Variants in CTNS observed in about 807,000 individuals in gnomAD.
CTNS encodes the protein cystinosin.
In CTNS, 27 loss-of-function variants were observed where a neutral mutation model predicts 43.7. The ratio of observed to expected loss-of-function variants is 0.62; its 90% CI spans 0.46 to 0.85. The LOEUF is 0.85. CTNS is among the 40% of genes least tolerant of loss of function. The pLI is 0.00. For missense variants in CTNS, 457 were observed against 475.4 expected (o/e 0.96, Z 0.36); for synonymous variants, 187 against 190.6 (o/e 0.98, Z 0.16).
intron 5 of CTNS, among the ~76,000 whole-genome samples, chr17:3,651,768 T>A (rs1447583556): frequency 6.7e-6 from 1 of 149,836 alleles, no homozygotes; most frequent in Non-Finnish European, 1.5e-5. Flanking sequence ...AGGTCAGGAG[T>A]TCAAGACCAG....
chr17:3,662,730 G>A lies in CTNS; in HGVS notation c.*2361G>A, dbSNP rs956517235. Among the ~76,000 whole-genome samples the A allele has an allele frequency of 3.4e-5, 4 of 116,322 alleles. No individual in the cohort carries two copies. Among genetic ancestry groups the A allele is most frequent in the South Asian group, 2.9e-4 (1 of 3,458 alleles). 76.3% of individuals were successfully genotyped at this position (116,322 alleles called of 152,430 possible). A position where few individuals can be genotyped will look rare whatever the true frequency, so the allele number is the denominator to read the frequency against. ...TGGTCAGGCGCAGTGCAGCTGCTGC[G>A]GCTCCACCAGCCCCGGGCTTTCAGG... is the stretch of plus-strand genomic sequence containing the variant. On this transcript the variant is annotated 3_prime_UTR_variant, in exon 12 of 12. Coordinates refer to ENST00000046640, the MANE Select transcript of CTNS (RefSeq NM_004937.3).
intron 5 of CTNS, among the ~76,000 whole-genome samples, chr17:3,652,810 A>G (rs561748830): frequency 6.6e-6 from 1 of 152,320 alleles, no homozygotes; most frequent in South Asian, 2.1e-4. Context: ...AAAATAAAAG[A>G]GCCAGGAGTG....
At position 3,658,019 on chromosome 17, in the gene CTNS, CGT is replaced by C. The variant is rs766981777; in HGVS notation, c.699_700del (p.Ser234LeufsTer61). 3 of 1,610,332 alleles carry C rather than the reference CGT, an allele frequency of 1.9e-6. No individual in the cohort carries two copies. Among genetic ancestry groups the C allele is most frequent in the Non-Finnish European group, 1.7e-6 (2 of 1,179,938 alleles). On this transcript the variant is annotated frameshift_variant, in exon 10 of 12. Coordinates refer to ENST00000046640, the MANE Select transcript of CTNS (RefSeq NM_004937.3). LOFTEE classifies it high-confidence loss of function. ...CTCGCCCCCAGCGCGGTGGCCAGCGCGTGTCCTGGCCTGCCATCGGCTTCCTG... is the reference window on the plus strand; with the variant it reads ...CTCGCCCCCAGCGCGGTGGCCAGCGCGTCCTGGCCTGCCATCGGCTTCCTG... ...CCLYERGGQR[V>X]SWPAIGFLVL...
intron 4 of CTNS, chr17:3,647,748 G>T: frequency 1.6e-6 from 1 of 607,224 alleles, no homozygotes; most frequent in East Asian, 2.8e-5. Context: ...GAGAAGGAAG[G>T]GGTGCTTCTC....
intron 4 of CTNS, among the ~76,000 whole-genome samples, chr17:3,648,179 G>A (rs1243203009): frequency 6.6e-6 from 1 of 152,094 alleles, no homozygotes; most frequent in Non-Finnish European, 1.5e-5. Flanking sequence ...CCTCTCCTGC[G>A]AGATCTGGCC....
intron 2 of CTNS, among the ~76,000 whole-genome samples, chr17:3,637,650 A>G (rs964178027): frequency 6.6e-6 from 1 of 151,876 alleles, no homozygotes; most frequent in Non-Finnish European, 1.5e-5. Context: ...TATTTTTAGT[A>G]GAGATGGGGA....
chr17:3,640,985 G>A (rs920253655), intron 3 of CTNS, among the ~76,000 whole-genome samples: 2 of 152,110 alleles, frequency 1.3e-5, no homozygotes, highest in Admixed American at 6.6e-5. Flanking sequence ...GGAAACACTG[G>A]GGAAGCAGAA....
intron 3 of CTNS, among the ~76,000 whole-genome samples, chr17:3,645,859 CAAAAA>C (rs35273890): frequency 4.0e-5 from 3 of 74,250 alleles, no homozygotes; most frequent in South Asian, 4.3e-4. Flanking sequence ...GACTCTGTCT[CAAAAA>C]AAAAAAAAAA....
intron 2 of CTNS, among the ~76,000 whole-genome samples, chr17:3,638,033 G>C (rs1239836188): frequency 6.6e-6 from 1 of 152,152 alleles, no homozygotes; most frequent in African/African-American, 2.4e-5. Context: ...TAGACCCCTA[G>C]CCCCAGGTTG....
chr17:3,641,384 A>ATAT (rs1555558526), intron 3 of CTNS, among the ~76,000 whole-genome samples: 5 of 31,204 alleles, frequency 1.6e-4, no homozygotes, highest in Non-Finnish European at 2.3e-4. Flanking sequence ...ATATATATAT[A>ATAT]TTTTTTTTTT....
At chr17:3,646,295 T>TC (rs201548466) in intron 3 of CTNS, among the ~76,000 whole-genome samples, 32 of 149,046 alleles carry the variant, frequency 2.1e-4, no homozygotes, top group Non-Finnish European at 3.4e-4. Flanking sequence ...TTTCTTTCTT[T>TC]TTTTTTTTTT....
chr17:3,638,188 C>A (rs757904123), intron 2 of CTNS, among the ~76,000 whole-genome samples: 2 of 151,492 alleles, frequency 1.3e-5, no homozygotes, highest in Non-Finnish European at 2.9e-5. Context: ...TATCTTGTAG[C>A]TTTCACAAGC....
Position 3,660,935 on chromosome 17 carries a change from ACAGC to A in CTNS, c.*572_*575del, listed in dbSNP as rs1320752192. On this transcript the variant is annotated 3_prime_UTR_variant, in exon 12 of 12. Transcript: ENST00000046640. ...TAACTCAGCGTCCGTGACTGCAGTA[ACAGC>A]CAGCCCTACCCAGAGTATTTCTGAG... 1.5e-5 allele frequency: 11 copies of A among 756,800 alleles called. No homozygotes were observed. The highest frequency in any genetic ancestry group is 6.8e-5 in the South Asian group (4 of 58,692). The allele number at this position is 756,800 out of a possible 1,614,324, so 46.9% of individuals were successfully genotyped here. A position where few individuals can be genotyped will look rare whatever the true frequency, so the allele number is the denominator to read the frequency against.
chr17:3,642,129 A>ATGTGTGCCCGGGCGTGTG, intron 3 of CTNS, among the ~76,000 whole-genome samples: 1 of 90,850 alleles, frequency 1.1e-5, no homozygotes, highest in Non-Finnish European at 2.2e-5. Context: ...GCGTGCATGT[A>ATGTGTGCCCGGGCGTGTG]TGTGTGCCCG....
chr17:3,653,052 G>A (rs893350383), intron 5 of CTNS, among the ~76,000 whole-genome samples: 1 of 152,170 alleles, frequency 6.6e-6, no homozygotes, highest in Non-Finnish European at 1.5e-5. Context: ...TTGAGCCCAG[G>A]AGTTGGAGTG....
intron 4 of CTNS, chr17:3,647,740 G>A (rs1229683935): frequency 3.3e-6 from 2 of 609,040 alleles, no homozygotes; most frequent in East Asian, 5.6e-5. Context: ...CCTGGCAGGA[G>A]AAGGAAGGGG....
At chr17:3,646,432 T>A (rs2075845496) in intron 3 of CTNS, among the ~76,000 whole-genome samples, 1 of 151,530 alleles carries the variant, frequency 6.6e-6, no homozygotes, top group Non-Finnish European at 1.5e-5. Context: ...GGACTACAGG[T>A]GCATGCCACC....
rs148538742 is a variant in CTNS at position 3,642,736 on chromosome 17, C to T, written c.61+2469C>T. Among the ~76,000 whole-genome samples the T allele has an allele frequency of 1.7e-4, 26 of 152,278 alleles. No individual in the cohort carries two copies. The East Asian group carries it at 3.7e-3, about 22-fold the overall frequency. On this transcript the variant is annotated intron_variant, in intron 3 of 11. Transcript: ENST00000046640. ...TGGAAGCCACCATAAAATCAAGTCACTGGAATTGAATCTCCAACCTCATTC... is the reference window on the plus strand; with the variant it reads ...TGGAAGCCACCATAAAATCAAGTCATTGGAATTGAATCTCCAACCTCATTC...
upstream of CTNS, chr17:3,636,531 G>A: frequency 2.8e-6 from 1 of 351,336 alleles, no homozygotes; most frequent in Non-Finnish European, 5.2e-6. Context: ...GGCGCTGGCG[G>A]CTCCAAGAGT....
Sources: allele counts gnomAD v4.1 joint callset (sites outside exome capture counted in the v4.1 genomes callset), GRCh38; gene constraint gnomAD v4.1.1; transcripts MANE v1.5; gene names NCBI Gene and HGNC (gene_info 2026-07-23, HGNC 2026-07-21).